Variants in NOX4 observed in about 807,000 individuals in gnomAD.
NOX4 encodes the protein kidney oxidase-1.
NOX4 carries 69 observed loss-of-function variants against 87.6 expected under a neutral mutation model. The observed-to-expected ratio is 0.79, with a 90% confidence interval of 0.65 to 0.96. The LOEUF (loss-of-function observed/expected upper bound fraction) is 0.96, where lower values mean the gene tolerates loss of function less well. Ranked by LOEUF, NOX4 falls within the 40% of genes least tolerant of loss-of-function variation. NOX4 has a pLI of 0.00. For missense variants in NOX4, 680 were observed against 681.5 expected, an observed-to-expected ratio of 1.00 and a Z score of 0.02; for synonymous variants, 275 against 238.2, an observed-to-expected ratio of 1.15 and a Z score of -1.42.
intron 12 of NOX4, among the ~76,000 whole-genome samples, chr11:89,366,700 G>T: frequency 8.8e-6 from 1 of 113,128 alleles, no homozygotes; most frequent in Non-Finnish European, 2.0e-5. Context: ...AAACTGAAAA[G>T]AAAAAAAAAA....
At chr11:89,418,979 T>C (rs992712128) in intron 8 of NOX4, among the ~76,000 whole-genome samples, 47 of 152,068 alleles carry the variant, frequency 3.1e-4, no homozygotes, top group African/African-American at 1.1e-3. Context: ...TTTTCTAGAA[T>C]TTCTAGCCCA....
At chr11:89,399,475 GT>G (rs1314602809) in intron 11 of NOX4, among the ~76,000 whole-genome samples, 1 of 79,214 alleles carries the variant, frequency 1.3e-5, no homozygotes, top group Non-Finnish European at 2.6e-5. Context: ...ATATATATTT[GT>G]TTTTTGAGAC....
the NOX4 span, among the ~76,000 whole-genome samples, chr11:89,577,994 G>A: frequency 1.3e-5 from 2 of 152,016 alleles, no homozygotes; most frequent in African/African-American, 2.4e-5. Context: ...TCTGCATGGT[G>A]AGGTTTGGAT....
chr11:89,573,592 A>G, the NOX4 span, among the ~76,000 whole-genome samples: 1 of 152,216 alleles, frequency 6.6e-6, no homozygotes, highest in Non-Finnish European at 1.5e-5. Context: ...GCGAATCTGT[A>G]CGGGTCTGCA....
chr11:89,359,306 T>A (rs1450718536), intron 12 of NOX4, among the ~76,000 whole-genome samples: 5 of 151,740 alleles, frequency 3.3e-5, no homozygotes, highest in Non-Finnish European at 7.4e-5. Flanking sequence ...AAATGACCAA[T>A]CTCTAATCCA....
intron 12 of NOX4, among the ~76,000 whole-genome samples, chr11:89,359,440 G>A (rs947104700): frequency 5.4e-5 from 8 of 148,966 alleles, no homozygotes; most frequent in African/African-American, 2.0e-4. Flanking sequence ...GAGTGCAGTG[G>A]CATGATCTCA....
intron 12 of NOX4, among the ~76,000 whole-genome samples, chr11:89,356,411 G>GAGGGGA (rs1274499963): frequency 7.4e-6 from 1 of 135,032 alleles, no homozygotes; most frequent in Non-Finnish European, 1.5e-5. Flanking sequence ...ATAGGAGGGG[G>GAGGGGA]AGGGGAAGAG....
chr11:89,414,975 A>G (rs1380482585), intron 8 of NOX4, among the ~76,000 whole-genome samples: 2 of 152,026 alleles, frequency 1.3e-5, no homozygotes, highest in Non-Finnish European at 2.9e-5. Flanking sequence ...AAATAATTCA[A>G]TAATTCAAGA....
At chr11:89,509,238 G>T in the NOX4 span, among the ~76,000 whole-genome samples, 1 of 77,204 alleles carries the variant, frequency 1.3e-5, no homozygotes, top group African/African-American at 4.5e-5. Context: ...AATATATCTT[G>T]ATTACTAATA....
At chr11:89,509,679 T>G in the NOX4 span, among the ~76,000 whole-genome samples, 1 of 151,902 alleles carries the variant, frequency 6.6e-6, no homozygotes, top group Admixed American at 6.6e-5. Context: ...AGAGAAGAAA[T>G]TAATCAGCCT....
chr11:89,461,440 C>T (rs539780907), intron 2 of NOX4, among the ~76,000 whole-genome samples: 20 of 151,814 alleles, frequency 1.3e-4, no homozygotes, highest in Admixed American at 4.6e-4. Flanking sequence ...GTCAGGAGAT[C>T]GAGACCATCC....
Position 89,326,792 on chromosome 11 carries a change from C to A in NOX4, c.1701G>T (p.Gly567=). Residue 567 remains glycine (G), a synonymous_variant, in exon 18 of 18, where the codon GGG becomes GGT. Coordinates refer to ENST00000263317, the MANE Select transcript of NOX4 (RefSeq NM_016931.5). ...ACTCTTTATTGTATTCAAATCTTGT[C>A]CCATATGAGTTGTTCTGGTTACTCA... ...HKLSNQNNSY[G]TRFEYNKESF... is the part of the protein sequence containing the mutation. 1 of 1,613,282 alleles carries A rather than the reference C, an allele frequency of 6.2e-7. No individual in the cohort carries two copies. The highest frequency in any genetic ancestry group is 1.3e-5 in the African/African-American group (1 of 74,990).
intron 6 of NOX4, among the ~76,000 whole-genome samples, chr11:89,438,838 T>A (rs12049874): frequency 0.016 from 592 of 37,072 alleles, 16 homozygotes; most frequent in African/African-American, 0.041. Context: ...TCTTATATAT[T>A]ATATATATTA....
At chr11:89,533,243 A>G in the NOX4 span, among the ~76,000 whole-genome samples, 4 of 152,220 alleles carry the variant, frequency 2.6e-5, no homozygotes, top group Non-Finnish European at 5.9e-5. Context: ...AACAAGTGAC[A>G]TGCTCATGCA....
intron 4 of NOX4, among the ~76,000 whole-genome samples, chr11:89,444,784 G>A (rs1944617061): frequency 6.6e-6 from 1 of 152,092 alleles, no homozygotes; most frequent in Non-Finnish European, 1.5e-5. Flanking sequence ...CAGAAAAAGT[G>A]TTGGGAATCA....
intron 13 of NOX4, among the ~76,000 whole-genome samples, chr11:89,345,801 A>C (rs773115231): frequency 6.6e-6 from 1 of 152,182 alleles, no homozygotes; most frequent in South Asian, 2.1e-4. Flanking sequence ...ATACCTCAAA[A>C]TAATAAGAGC....
intron 11 of NOX4, among the ~76,000 whole-genome samples, chr11:89,378,979 A>C (rs1313419725): frequency 2.0e-5 from 3 of 152,236 alleles, no homozygotes; most frequent in Admixed American, 2.0e-4. Context: ...TGTATATTTG[A>C]ATGAAAAATA....
chr11:89,509,770 A>G, the NOX4 span, among the ~76,000 whole-genome samples: 9 of 151,974 alleles, frequency 5.9e-5, no homozygotes, highest in African/African-American at 2.2e-4. Context: ...GCCTTATAAC[A>G]CACAACAATC....
chr11:89,354,559 C>T (rs1937856240), intron 13 of NOX4, among the ~76,000 whole-genome samples: 1 of 152,036 alleles, frequency 6.6e-6, no homozygotes, highest in South Asian at 2.1e-4. Context: ...CATATCTAGC[C>T]CACGGCTATT....
Sources: gnomAD v4.1 joint callset for allele counts (sites outside exome capture counted in the v4.1 genomes callset) on GRCh38, gnomAD v4.1.1 for gene constraint, MANE v1.5 for transcripts, NCBI Gene and HGNC (gene_info 2026-07-23, HGNC 2026-07-21) for gene names.